The following RBM5 variants were observed in gnomAD, a reference collection of about 807,000 sequenced individuals.
The protein encoded by RBM5 is RNA binding motif protein 5.
Under a neutral mutation model 124.6 loss-of-function variants are expected in RBM5, and 15 were observed. The observed-to-expected ratio is 0.12, with a 90% confidence interval of 0.08 to 0.19. The LOEUF is 0.19. Among genes scored for constraint, RBM5 ranks in the 10% least tolerant of loss-of-function variants. The pLI is 1.00. For synonymous variants in RBM5, 337 were observed against 361.2 expected, an observed-to-expected ratio of 0.93 and a Z score of 0.76; for missense variants, 580 against 1,026.5, an observed-to-expected ratio of 0.57 and a Z score of 5.94.
Position 50,118,597 on chromosome 3 carries a change from C to G in RBM5, c.*141C>G. The G allele has an allele frequency of 7.7e-7, 1 of 1,297,898 alleles. No homozygotes were observed. Among genetic ancestry groups the G allele is most frequent in the Non-Finnish European group, 1.0e-6 (1 of 959,012 alleles). The allele number at this position is 1,297,898 out of a possible 1,614,324, so 80.4% of individuals were successfully genotyped here. A position where few individuals can be genotyped will look rare whatever the true frequency, so the allele number is the denominator to read the frequency against. On this transcript the variant is annotated 3_prime_UTR_variant, in exon 25 of 25. Transcript: ENST00000347869. ...GAACCACTTCATTCTGCAGGGTTCTCCCTCCCACCTTAAAGAAGTTCCCCT... is the reference window on the plus strand; with the variant it reads ...GAACCACTTCATTCTGCAGGGTTCTGCCTCCCACCTTAAAGAAGTTCCCCT...
chr3:50,107,234 CT>C, intron 11 of RBM5: 5 of 601,646 alleles, frequency 8.3e-6, no homozygotes, highest in Non-Finnish European at 1.5e-5. Context: ...GTAAATTTCC[CT>C]TTTTTTAGTA....
In RBM5 at chr3:50,100,280, CT is replaced by C. The variant is rs554369650; in HGVS notation, c.409+240del. The C allele has an allele frequency of 0.094, 36,148 of 386,250 alleles. No individual in the cohort carries two copies. The highest frequency in any genetic ancestry group is 0.13 in the East Asian group (2,611 of 20,374). The allele number at this position is 386,250 out of a possible 1,614,324, so 23.9% of individuals were successfully genotyped here. On this transcript the variant is annotated intron_variant, in intron 5 of 24. Transcript: ENST00000347869. This position sits in a 1 kb window ranked among gnomAD's most constrained non-coding sequence, Gnocchi z 5.1. ...TAGGTAAGTAATGATTTATAAACTC[CT>C]TTTTTTTTTTGACTATAGTCGGTTG... is the stretch of plus-strand genomic sequence containing the variant.
chr3:50,096,960 A>G (rs2090830298), intron 4 of RBM5, among the ~76,000 whole-genome samples: 1 of 152,132 alleles, frequency 6.6e-6, no homozygotes, highest in African/African-American at 2.4e-5. Flanking sequence ...GGGAATAGAA[A>G]GGTACTGAAT....
chr3:50,108,025 T>C (rs776798740), intron 12 of RBM5, 45 bp from the exon 13 acceptor site: 34 of 1,516,744 alleles, frequency 2.2e-5, no homozygotes, highest in Non-Finnish European at 2.9e-5. Context: ...TTTTTTTCCT[T>C]AATGCCTACT....
chr3:50,108,642 G>C (rs2091084007), intron 14 of RBM5, among the ~76,000 whole-genome samples: 1 of 152,104 alleles, frequency 6.6e-6, no homozygotes, highest in Non-Finnish European at 1.5e-5. Context: ...GAGCGGCAGA[G>C]ATTGCAGTGA....
At position 50,117,135 on chromosome 3, in the gene RBM5, A is replaced by G; in HGVS notation, c.2156A>G (p.Glu719Gly). 6.2e-7 allele frequency: 1 copy of G among 1,614,174 alleles called. No individual in the cohort carries two copies. The highest frequency in any genetic ancestry group is 1.1e-5 in the South Asian group (1 of 91,082). Residue 719 changes from glutamate (E) to glycine (G), a missense_variant, in exon 23 of 25, where the codon GAG becomes GGG. Around this residue, in one of 6 missense-constraint regions of RBM5, gnomAD observed 234 missense variants for 435.1 expected, o/e 0.54. Transcript: ENST00000347869. This position sits in a 1 kb window ranked among gnomAD's most constrained non-coding sequence, Gnocchi z 4.2. ...AAGTACGGCATTCCAGAACCTCCAG[A>G]GCCCAAGCGCAAGAAGCAGTTTGAT... The part of the protein sequence containing the change: ...REKYGIPEPP[E>G]PKRKKQFDAG...
rs568566051 is a variant in RBM5 at position 50,109,979 on chromosome 3, G to A, written c.1278+291G>A. ...TGTAATCCCAGCACTTTGGGAGGCC[G>A]AGGCGGGTGGATCACGAGGTTAGGA... On this transcript the variant is annotated intron_variant, in intron 15 of 24. Transcript: ENST00000347869. Among the ~76,000 whole-genome samples, 5 of 152,284 alleles carry A rather than the reference G, an allele frequency of 3.3e-5. No individual in the cohort carries two copies. The South Asian group carries it at 6.2e-4, about 19-fold the overall frequency.
At chr3:50,109,461 T>G in intron 14 of RBM5, 142 bp from the exon 15 acceptor site, 1 of 675,990 alleles carries the variant, frequency 1.5e-6, no homozygotes, top group Non-Finnish European at 2.7e-6. Flanking sequence ...TGTCACAGAT[T>G]CCAGGGTACT....
intron 4 of RBM5, among the ~76,000 whole-genome samples, chr3:50,098,545 C>T (rs941037887): frequency 7.9e-5 from 12 of 152,148 alleles, no homozygotes; most frequent in Middle Eastern, 6.8e-3. Context: ...CGGGGTCAAG[C>T]GATTCTCTTG....
rs184373177 is a variant in RBM5, at chr3:50,113,606, T to G, written c.1617+62T>G. The G allele has an allele frequency of 8.0e-6, 12 of 1,496,138 alleles. No homozygotes were observed. The Admixed American group carries it at 1.2e-4, about 14-fold the overall frequency. The allele number at this position is 1,496,138 out of a possible 1,614,324, so 92.7% of individuals were successfully genotyped here. A position where few individuals can be genotyped will look rare whatever the true frequency, so the allele number is the denominator to read the frequency against. On this transcript the variant is annotated intron_variant, in intron 18 of 24. Coordinates refer to ENST00000347869, the MANE Select transcript of RBM5 (RefSeq NM_005778.4). The stretch of plus-strand genomic sequence containing the variant: ...TGGGCTGAACTCTTAGTTTTGGGGT[T>G]GTAGCATTTATGTCAGTATTATTTG...
At chr3:50,103,055 G>T in intron 6 of RBM5, 28 bp from the exon 7 acceptor site, 1 of 1,520,344 alleles carries the variant, frequency 6.6e-7, no homozygotes, top group South Asian at 1.1e-5. Flanking sequence ...CTCACAATGG[G>T]AATAACTAAT....
At position 50,109,603 on chromosome 3, in the gene RBM5, G is replaced by T. The variant is rs140191137; in HGVS notation, c.1193G>T (p.Gly398Val). Reference sequence around the variant, plus strand: ...CCCTAACACTTGTGTTTATCATCAGGCACAGCAGTGACCACCACCTCAGCG... The same window carrying T: ...CCCTAACACTTGTGTTTATCATCAGTCACAGCAGTGACCACCACCTCAGCG... Reference protein sequence around the residue: ...GLESDASSASGTAVTTTSAAV... With the variant: ...GLESDASSASVTAVTTTSAAV... The change falls in exon 15 of 25, where the codon GGC becomes GTC. Residue 398 changes from glycine (G) to valine (V), a missense_variant and splice_region_variant. Coordinates refer to ENST00000347869, the MANE Select transcript of RBM5 (RefSeq NM_005778.4). 654 of 1,613,432 alleles carry T rather than the reference G, an allele frequency of 4.1e-4. No individual in the cohort carries two copies. Among genetic ancestry groups the T allele is most frequent in the Non-Finnish European group, 5.4e-4 (642 of 1,179,556 alleles).
chr3:50,099,714 C>T (rs914853913), intron 4 of RBM5: 1 of 200,942 alleles, frequency 5.0e-6, no homozygotes. Context: ...AAAAAAAAAT[C>T]AGTCACGCAT....
intron 20 of RBM5, 70 bp from the exon 21 acceptor site, chr3:50,115,358 A>T (rs2091228795): frequency 6.5e-7 from 1 of 1,531,314 alleles, no homozygotes; most frequent in Non-Finnish European, 8.9e-7. Flanking sequence ...GCATTACTTT[A>T]TCCAGGTACA....
chr3:50,098,510 T>A (rs1205087164), intron 4 of RBM5, among the ~76,000 whole-genome samples: 1 of 151,970 alleles, frequency 6.6e-6, no homozygotes, highest in Non-Finnish European at 1.5e-5. Flanking sequence ...TGGCGCGATC[T>A]CGGCTCACTG....
rs1338616467 is a variant in RBM5, at chr3:50,114,389, T to C, written c.1839+138T>C. The C allele has an allele frequency of 1.3e-5, 10 of 765,834 alleles. No homozygotes were observed. In the East Asian group the frequency reaches 3.0e-4, roughly 23 times the overall value. The allele number at this position is 765,834 out of a possible 1,614,324, so 47.4% of individuals were successfully genotyped here. ...TGTTGATGGGTATTGGAGCAGTTTCTGCACATAGATTCCATGTCGGGGCTT... is the reference window on the plus strand; with the variant it reads ...TGTTGATGGGTATTGGAGCAGTTTCCGCACATAGATTCCATGTCGGGGCTT... On this transcript the variant is annotated intron_variant, in intron 20 of 24. Coordinates refer to ENST00000347869, the MANE Select transcript of RBM5 (RefSeq NM_005778.4).
chr3:50,099,091 C>CA (rs1206745236), intron 4 of RBM5, among the ~76,000 whole-genome samples: 1 of 151,958 alleles, frequency 6.6e-6, no homozygotes, highest in African/African-American at 2.4e-5. Flanking sequence ...TCTGTCTCTA[C>CA]AAAAAATACA....
Position 50,114,209 on chromosome 3 carries a change from C to T in RBM5, c.1797C>T (p.Ile599=). Residue 599 remains isoleucine, a synonymous_variant, in exon 20 of 25, where the codon ATC becomes ATT. Transcript: ENST00000347869. The stretch of plus-strand genomic sequence containing the variant: ...CCTTAGCTGAAAGGCAGCAGCTCAT[C>T]CCAGAATTGGTGCGAAATGGAGATG... The part of the protein sequence containing the change: ...KGALAERQQL[I]PELVRNGDEE... The T allele has an allele frequency of 6.2e-7, 1 of 1,612,542 alleles. No individual in the cohort carries two copies. The highest frequency in any genetic ancestry group is 8.5e-7 in the Non-Finnish European group (1 of 1,179,648).
Position 50,117,178 on chromosome 3 carries a change from G to A in RBM5, c.2192+7G>A. On this transcript the variant is annotated splice_region_variant and intron_variant, in intron 23 of 24. Transcript: ENST00000347869. This position sits in a 1 kb window ranked among gnomAD's most constrained non-coding sequence, Gnocchi z 4.2. ...AGTTTGATGCCGGCACTGTGTATGT[G>A]ATGTGCACATTTTCCAGTTCGTAAG... 1 of 1,614,198 alleles carries A rather than the reference G, an allele frequency of 6.2e-7. No homozygotes were observed. Among genetic ancestry groups the A allele is most frequent in the Non-Finnish European group, 8.5e-7 (1 of 1,180,030 alleles).
Sources: allele counts gnomAD v4.1 joint callset (sites outside exome capture counted in the v4.1 genomes callset), GRCh38; gene constraint gnomAD v4.1.1; regional missense constraint gnomAD v4.1.1; non-coding constraint Gnocchi (gnomAD v3.1); transcripts MANE v1.5; gene names NCBI Gene and HGNC (gene_info 2026-07-23, HGNC 2026-07-21).